ATG7: variants seen among roughly 807,000 people sequenced by gnomAD.
The protein encoded by ATG7 is ubiquitin-like modifier-activating enzyme ATG7.
In ATG7, 70 loss-of-function variants were observed where a neutral mutation model predicts 82.4. The ratio of observed to expected loss-of-function variants is 0.85; its 90% CI spans 0.70 to 1.04. The LOEUF is 1.04. Ranked by LOEUF, ATG7 falls within the 50% of genes least tolerant of loss-of-function variation. The pLI is 0.00. For missense variants in ATG7, 792 were observed against 864.3 expected (o/e 0.92, Z 1.05); for synonymous variants, 287 against 313.0 (o/e 0.92, Z 0.88).
intron 20 of ATG7, among the ~76,000 whole-genome samples, chr3:11,541,212 T>C (rs1252569404): frequency 6.6e-6 from 1 of 152,242 alleles, no homozygotes; most frequent in Non-Finnish European, 1.5e-5. Context: ...TTTTAGCTTT[T>C]ACATATATGT....
chr3:11,378,682 C>G (rs1359283736), intron 18 of ATG7, among the ~76,000 whole-genome samples: 2 of 18,220 alleles, frequency 1.1e-4, no homozygotes, highest in African/African-American at 1.8e-3. Flanking sequence ...GAGACTCCAT[C>G]TCCAAAAAAA....
chr3:11,480,534 CT>C (rs930967509), intron 20 of ATG7, among the ~76,000 whole-genome samples: 2 of 152,076 alleles, frequency 1.3e-5, no homozygotes, highest in Admixed American at 1.3e-4. Context: ...CATGACTGCC[CT>C]CCAGCCTGGG....
At chr3:11,390,952 C>G (rs116309920) in intron 19 of ATG7, among the ~76,000 whole-genome samples, 77 of 152,272 alleles carry the variant, frequency 5.1e-4, no homozygotes, top group African/African-American at 1.9e-3. Context: ...GTATCTCAAA[C>G]TTTGAGCTTC....
chr3:11,486,818 C>CTGTTTTTTTTTTTTTTTTTTTTTTTT (rs2089709868), intron 20 of ATG7, among the ~76,000 whole-genome samples: 1 of 74,970 alleles, frequency 1.3e-5, no homozygotes, highest in Non-Finnish European at 2.3e-5. Context: ...GTCTTTGGTT[C>CTGTTTTTTTTTTTTTTTTTTTTTTTT]TGTTTTTTTT....
intron 20 of ATG7, among the ~76,000 whole-genome samples, chr3:11,516,793 C>G (rs896129852): frequency 6.6e-6 from 1 of 152,148 alleles, no homozygotes; most frequent in African/African-American, 2.4e-5. Flanking sequence ...ATGCATATTA[C>G]TAAATGAGGC....
chr3:11,502,411 TC>T (rs1437409172), intron 20 of ATG7, among the ~76,000 whole-genome samples: 1 of 126,478 alleles, frequency 7.9e-6, no homozygotes, highest in African/African-American at 3.0e-5. Context: ...AGTGTGATGT[TC>T]CCCTTCCTGT....
At chr3:11,323,305 G>A (rs770879214) in intron 9 of ATG7, among the ~76,000 whole-genome samples, 13 of 152,302 alleles carry the variant, frequency 8.5e-5, no homozygotes, top group Non-Finnish European at 1.5e-4. Context: ...TTGGCTCCCA[G>A]AAAAGCCTGT....
At chr3:11,483,042 C>G (rs2089199077) in intron 20 of ATG7, among the ~76,000 whole-genome samples, 1 of 152,096 alleles carries the variant, frequency 6.6e-6, no homozygotes, top group South Asian at 2.1e-4. Context: ...CTATACCCAC[C>G]TCTAAGTCCC....
rs756603246 is a variant in ATG7, at chr3:11,554,976, C to A, written c.*133C>A. 7.8e-6 allele frequency: 9 copies of A among 1,158,630 alleles called. No homozygotes were observed. The highest frequency in any genetic ancestry group is 3.1e-5 in the African/African-American group (2 of 64,328). The allele number at this position is 1,158,630 out of a possible 1,614,324, so 71.8% of individuals were successfully genotyped here. A position where few individuals can be genotyped will look rare whatever the true frequency, so the allele number is the denominator to read the frequency against. On this transcript the variant is annotated 3_prime_UTR_variant, in exon 21 of 21. Transcript: ENST00000693202. ...CATACCCCGAGGTCTGGGATTCCCC[C>A]CTCTGCTGCCCAGGAGTGGCCAGTG...
At chr3:11,451,607 G>GA (rs35562386) in intron 20 of ATG7, among the ~76,000 whole-genome samples, 140 of 152,264 alleles carry the variant, frequency 9.2e-4, no homozygotes, top group Admixed American at 3.1e-3. Flanking sequence ...CAGCTAATGT[G>GA]AGGGTGAGTG....
At chr3:11,505,992 T>C (rs1037648011) in intron 20 of ATG7, among the ~76,000 whole-genome samples, 20 of 152,222 alleles carry the variant, frequency 1.3e-4, no homozygotes, top group Admixed American at 6.5e-4. Context: ...ACAGGGGCAT[T>C]ATGAGTATCA....
At chr3:11,495,650 A>G (rs2090768671) in intron 20 of ATG7, among the ~76,000 whole-genome samples, 1 of 123,674 alleles carries the variant, frequency 8.1e-6, no homozygotes, top group South Asian at 3.1e-4. Flanking sequence ...TTGAGGTTTC[A>G]CATTTCTCCT....
chr3:11,367,013 GT>G (rs900393059), intron 18 of ATG7, among the ~76,000 whole-genome samples: 1 of 148,052 alleles, frequency 6.8e-6, no homozygotes, highest in Non-Finnish European at 1.5e-5. Flanking sequence ...GTGTGTGTGT[GT>G]TTACTTGCTT....
Position 11,309,046 on chromosome 3 carries a change from C to T in ATG7, c.396C>T (p.Leu132=). 1 of 1,613,862 alleles carries T rather than the reference C, an allele frequency of 6.2e-7. No individual in the cohort carries two copies. Among genetic ancestry groups the T allele is most frequent in the Non-Finnish European group, 8.5e-7 (1 of 1,179,706 alleles). ...LENPVLLNKF[L]LLTFADLKKY... ...ACCCTGTACTCCTCAACAAGTTCCT[C>T]CTCTTGACATTTGCAGTAAGTAAAT... The change falls in exon 7 of 21, where the codon CTC becomes CTT. Residue 132 remains leucine (L), a synonymous_variant. Coordinates refer to ENST00000693202, the MANE Select transcript of ATG7 (RefSeq NM_001349232.2).
chr3:11,356,175 A>G (rs1328858479), intron 14 of ATG7, among the ~76,000 whole-genome samples: 1 of 152,240 alleles, frequency 6.6e-6, no homozygotes, highest in African/African-American at 2.4e-5. Flanking sequence ...GGGGGAGCAC[A>G]AGACCATGTT....
the ATG7 span, among the ~76,000 whole-genome samples, chr3:11,575,799 G>A: frequency 6.6e-6 from 1 of 152,358 alleles, no homozygotes; most frequent in East Asian, 1.9e-4. Context: ...TTCTGAGTGA[G>A]TCTGGGGCCA....
At chr3:11,339,309 A>AAAAAAAAG (rs1953110196) in intron 11 of ATG7, among the ~76,000 whole-genome samples, 1 of 132,138 alleles carries the variant, frequency 7.6e-6, no homozygotes, top group Admixed American at 7.8e-5. Flanking sequence ...AAAAAAAAAA[A>AAAAAAAAG]AAAAGAAAAG....
intron 19 of ATG7, among the ~76,000 whole-genome samples, chr3:11,419,293 C>G (rs904114397): frequency 6.6e-6 from 1 of 152,152 alleles, no homozygotes; most frequent in African/African-American, 2.4e-5. Flanking sequence ...TGGCTAACAC[C>G]TGTAATCCCA....
At chr3:11,569,396 T>C in the ATG7 span, among the ~76,000 whole-genome samples, 1 of 151,884 alleles carries the variant, frequency 6.6e-6, no homozygotes, top group Admixed American at 6.5e-5. Flanking sequence ...TCCCACCCAG[T>C]GAAAGAGATG....
Sources: allele counts gnomAD v4.1 joint callset (sites outside exome capture counted in the v4.1 genomes callset), GRCh38; gene constraint gnomAD v4.1.1; transcripts MANE v1.5; gene names NCBI Gene and HGNC (gene_info 2026-07-23, HGNC 2026-07-21).